MUC4: variants seen among roughly 807,000 people sequenced by gnomAD.
The protein encoded by MUC4 is mucin-4.
A neutral mutation model predicts 257.9 loss-of-function variants in MUC4; 202 were observed. That is an observed-to-expected ratio of 0.78 (90% confidence interval 0.70 to 0.88). MUC4 has a LOEUF of 0.88. MUC4 is among the 40% of genes least tolerant of loss of function. The pLI is 0.00. For missense variants in MUC4, 5,976 were observed against 6,513.7 expected, an observed-to-expected ratio of 0.92 and a Z score of 2.84; for synonymous variants, 2,351 against 2,757.1, an observed-to-expected ratio of 0.85 and a Z score of 4.62.
intron 1 of MUC4, 144 bp downstream of exon 1, chr3:195,811,592 C>T: frequency 1.7e-5 from 11 of 666,164 alleles, no homozygotes; most frequent in South Asian, 1.4e-4. Flanking sequence ...CTCTTTTTCT[C>T]TCCCTTCTCT....
chr3:195,760,976 C>A lies in MUC4; in HGVS notation c.14756G>T (p.Cys4919Phe). The A allele has an allele frequency of 6.2e-7, 1 of 1,614,176 alleles. No individual in the cohort carries two copies. ...LISNCDGDSS[C>F]IYDTLALRNA... ...GCGCAGGGCCAGGGTGTCATAGATG[C>A]ATGAGCTATCTCCGTCACAGTTGGA... is the stretch of plus-strand genomic sequence containing the variant. The change falls in exon 16 of 25, where the codon TGC (cysteine) becomes TTC (phenylalanine). Residue 4919 changes from cysteine (C) to phenylalanine (F), a missense_variant. Cys to Phe is a radical substitution (Grantham distance 205). Transcript: ENST00000463781.
chr3:195,766,365 C>G (rs1045145232), intron 8 of MUC4, among the ~76,000 whole-genome samples: 2 of 152,152 alleles, frequency 1.3e-5, no homozygotes, highest in African/African-American at 4.8e-5. Flanking sequence ...TCCCACAAGA[C>G]CCTGTCCTCA....
rs191986880 is a variant in MUC4 at position 195,748,212 on chromosome 3, G to A, written c.16034+690C>T. On this transcript the variant is annotated intron_variant, in intron 24 of 24. Transcript: ENST00000463781. Reference sequence around the variant, plus strand: ...GCAGGACTGGCCTAGACACAGGACTGCAGGTTCTTTTCCCACAAGGAGACA... The same window carrying A: ...GCAGGACTGGCCTAGACACAGGACTACAGGTTCTTTTCCCACAAGGAGACA... Among the ~76,000 whole-genome samples, 50 of 152,404 alleles carry A rather than the reference G, an allele frequency of 3.3e-4. 1 individual carries two copies. Among genetic ancestry groups the A allele is most frequent in the Admixed American group, 2.3e-3 (35 of 15,306 alleles).
rs1728515202 is a variant in MUC4 at position 195,782,253 on chromosome 3, GC to G, written c.9326del (p.Ser3109ThrfsTer1150). ...TGTGACCTGTGGATGCTGAGGAAGGGCTAGTGACAGGAAGAGGCGTGGTGTC... is the reference window on the plus strand; with the variant it reads ...TGTGACCTGTGGATGCTGAGGAAGGGTAGTGACAGGAAGAGGCGTGGTGTC... ...TGDTTPLPVT[S>X]PSSASTGHTT... On this transcript the variant is annotated frameshift_variant, in exon 2 of 25. Transcript: ENST00000463781. LOFTEE classifies it high-confidence loss of function. 2.0e-6 allele frequency: 3 copies of G among 1,524,890 alleles called. No individual in the cohort carries two copies. The highest frequency in any genetic ancestry group is 1.8e-6 in the Non-Finnish European group (2 of 1,132,734). 94.5% of individuals were successfully genotyped at this position (1,524,890 alleles called of 1,614,324 possible). A position where few individuals can be genotyped will look rare whatever the true frequency, so the allele number is the denominator to read the frequency against.
At chr3:195,811,611 G>C in intron 1 of MUC4, 125 bp downstream of exon 1, 1 of 704,250 alleles carries the variant, frequency 1.4e-6, no homozygotes, top group Non-Finnish European at 2.3e-6. Context: ...CTTCCTCTTC[G>C]CTGTCTCCCT....
chr3:195,771,514 C>G, intron 5 of MUC4, 138 bp downstream of exon 5: 1 of 1,018,870 alleles, frequency 9.8e-7, no homozygotes, highest in Admixed American at 2.7e-5. Context: ...ACTGCTTCCT[C>G]CCACACCCAT....
intron 18 of MUC4, among the ~76,000 whole-genome samples, chr3:195,754,898 T>C (rs143608118): frequency 6.1e-4 from 30 of 49,264 alleles, no homozygotes; most frequent in South Asian, 2.2e-3. Flanking sequence ...TGTATCCATG[T>C]ATGTATGTGT....
chr3:195,763,010 C>T, intron 12 of MUC4, 65 bp from the exon 13 acceptor site: 2 of 1,321,810 alleles, frequency 1.5e-6, no homozygotes, highest in Non-Finnish European at 1.1e-6. Context: ...AGGAAAGCAG[C>T]TGGGAGAGCC....
At chr3:195,774,405 G>A in intron 3 of MUC4, 100 bp from the exon 4 acceptor site, 2 of 1,383,644 alleles carry the variant, frequency 1.4e-6, no homozygotes, top group Non-Finnish European at 1.9e-6. Flanking sequence ...GCCCACACCT[G>A]TCCTGTGTTC....
rs377666821 is a variant in MUC4, at chr3:195,789,607, A to G, written c.1973T>C (p.Met658Thr). 1.8e-5 allele frequency: 29 copies of G among 1,613,896 alleles called. No homozygotes were observed. In the African/African-American group the frequency reaches 3.6e-4, roughly 20 times the overall value. ...ESQTTRSVSP[M>T]TDTKTVTTPG... ...GGTGGTGACTGTCTTGGTGTCAGTCATGGGGGAGACGGACCTCGTGGTTTG... is the reference window on the plus strand; with the variant it reads ...GGTGGTGACTGTCTTGGTGTCAGTCGTGGGGGAGACGGACCTCGTGGTTTG... Residue 658 changes from methionine to threonine, a missense_variant, in exon 2 of 25, where the codon ATG becomes ACG. Coordinates refer to ENST00000463781, the MANE Select transcript of MUC4 (RefSeq NM_018406.7).
At chr3:195,775,499 GCCATACCTTCCACAC>G (rs1560283998) in intron 3 of MUC4, among the ~76,000 whole-genome samples, 2,606 of 14,360 alleles carry the variant, frequency 0.18, 100 homozygotes, top group African/African-American at 0.28. Context: ...ACCTTCCACA[GCCATACCTTCCACAC>G]CCATACCTTC....
chr3:195,759,064 G>T, intron 17 of MUC4, 60 bp downstream of exon 17: 1 of 1,585,438 alleles, frequency 6.3e-7, no homozygotes, highest in South Asian at 1.1e-5. Context: ...TCCCAAATTT[G>T]ACTCTGACCT....
At chr3:195,764,244 TGGCAGGGCAGGGC>T in intron 10 of MUC4, 80 bp from the exon 11 acceptor site, 2 of 1,117,922 alleles carry the variant, frequency 1.8e-6, no homozygotes, top group Non-Finnish European at 2.2e-6. Flanking sequence ...GTTGAGAGCT[TGGCAGGGCAGGGC>T]GGTGTTGGTG....
intron 7 of MUC4, among the ~76,000 whole-genome samples, chr3:195,767,888 A>ACCATCG (rs1721827222): frequency 7.1e-6 from 1 of 141,004 alleles, no homozygotes; most frequent in African/African-American, 3.1e-5. Flanking sequence ...CACCACCATC[A>ACCATCG]CCACCACCAT....
intron 1 of MUC4, among the ~76,000 whole-genome samples, chr3:195,793,960 AGGC>A (rs1387131366): frequency 2.2e-4 from 33 of 152,134 alleles, no homozygotes; most frequent in African/African-American, 7.5e-4. Context: ...TCCCAGGCAG[AGGC>A]CAGGCATGGT....
rs1202437954 is a variant in MUC4 at position 195,790,105 on chromosome 3, AATGAGGAAGGCC to A, written c.1463_1474del (p.Trp488_Ser491del). 2.2e-5 allele frequency: 36 copies of A among 1,613,900 alleles called. No homozygotes were observed. ...CCAAGTTGTGTGGCCTTTGCTGGAG[AATGAGGAAGGCC>A]ATGTTGTTGTTTCATGTAGAGTAAA... On this transcript the variant is annotated inframe_deletion, in exon 2 of 25. Coordinates refer to ENST00000463781, the MANE Select transcript of MUC4 (RefSeq NM_018406.7).
chr3:195,798,505 C>T lies in MUC4; in HGVS notation c.83-7008G>A, dbSNP rs181828055. Among the ~76,000 whole-genome samples the T allele has an allele frequency of 1.4e-3, 212 of 152,190 alleles. 1 individual carries two copies. The highest frequency in any genetic ancestry group is 5.0e-3 in the African/African-American group (208 of 41,524). On this transcript the variant is annotated intron_variant, in intron 1 of 24. Coordinates refer to ENST00000463781, the MANE Select transcript of MUC4 (RefSeq NM_018406.7). ...GATCATGAGGTCAGGAGATCGAGAC[C>T]ATCCTGGCTAACAGGGTGAACCCCC...
chr3:195,798,343 A>C (rs562490561), intron 1 of MUC4, among the ~76,000 whole-genome samples: 1 of 152,328 alleles, frequency 6.6e-6, no homozygotes, highest in South Asian at 2.1e-4. Context: ...TTATAGTTGA[A>C]AGATCAAAAC....
rs963582679 is a variant in MUC4, at chr3:195,783,093, A to C, written c.8487T>G (p.His2829Gln). The C allele has an allele frequency of 5.7e-5, 66 of 1,157,940 alleles. 4 individuals are homozygous for C. The African/African-American group carries it at 1.1e-3, about 19-fold the overall frequency. 71.7% of individuals were successfully genotyped at this position (1,157,940 alleles called of 1,614,324 possible). The change falls in exon 2 of 25, where the codon CAT becomes CAG. Residue 2829 changes from histidine (H) to glutamine (Q), a missense_variant. Coordinates refer to ENST00000463781, the MANE Select transcript of MUC4 (RefSeq NM_018406.7). Reference sequence around the variant, plus strand: ...GGATGGTGACAGGAAGAGAGGTGGCATGACCTGTGAACACTGAGGAAGCGT... The same window carrying C: ...GGATGGTGACAGGAAGAGAGGTGGCCTGACCTGTGAACACTGAGGAAGCGT... ...VTDASSVFTG[H>Q]ATSLPVTIPS...
Sources: gnomAD v4.1 joint callset for allele counts (sites outside exome capture counted in the v4.1 genomes callset) on GRCh38, gnomAD v4.1.1 for gene constraint, MANE v1.5 for transcripts, NCBI Gene and HGNC (gene_info 2026-07-23, HGNC 2026-07-21) for gene names.